The following FZR1 variants were observed in gnomAD, a reference collection of about 807,000 sequenced individuals.
FZR1 encodes fizzy and cell division cycle 20 related 1, also known as fizzy-related protein homolog.
FZR1 carries 11 observed loss-of-function variants against 63.6 expected under a neutral mutation model. That is an observed-to-expected ratio of 0.17 (90% CI 0.11 to 0.29). FZR1 has a LOEUF of 0.29. Among genes scored for constraint, FZR1 ranks in the 10% least tolerant of loss-of-function variants. The pLI, the probability that FZR1 is intolerant of heterozygous loss-of-function variation, is 1.00. For missense variants in FZR1, 440 were observed against 687.5 expected, an observed-to-expected ratio of 0.64 and a Z score of 4.03; for synonymous variants, 328 against 297.9, an observed-to-expected ratio of 1.10 and a Z score of -1.04.
Position 3,533,487 on chromosome 19 carries a change from G to A in FZR1, c.1347+89G>A. ...AGAGCACCCTGTCCTGTGTTCTTAG[G>A]GAGGATGGTGTGCAGATCTAAAACC... is the stretch of plus-strand genomic sequence containing the variant. On this transcript the variant is annotated intron_variant, in intron 12 of 13. Transcript: ENST00000441788. The surrounding 1 kb of genome is among the most constrained non-coding windows in gnomAD (Gnocchi z 4.9). 1 of 792,236 alleles carries A rather than the reference G, an allele frequency of 1.3e-6. No homozygotes were observed. The highest frequency in any genetic ancestry group is 1.4e-5 in the South Asian group (1 of 69,450). 49.1% of individuals were successfully genotyped at this position (792,236 alleles called of 1,614,324 possible).
At position 3,530,773 on chromosome 19, in the gene FZR1, C is replaced by A. The variant is rs1473704422; in HGVS notation, c.655-19C>A. The A allele has an allele frequency of 1.9e-6, 3 of 1,606,482 alleles. No homozygotes were observed. Among genetic ancestry groups the A allele is most frequent in the Middle Eastern group, 1.7e-4 (1 of 6,044 alleles). On this transcript the variant is annotated intron_variant, in intron 7 of 13. Coordinates refer to ENST00000441788, the MANE Select transcript of FZR1 (RefSeq NM_016263.4). ...GCTTCGAGACCAGCGGCAAAGCTCA[C>A]ACTGACCTCTGCCTCCAGGTGACGC...
In FZR1 at chr19:3,525,140, G is replaced by C. The variant is rs961803300; in HGVS notation, c.70-728G>C. On this transcript the variant is annotated intron_variant, in intron 2 of 13. Coordinates refer to ENST00000441788, the MANE Select transcript of FZR1 (RefSeq NM_016263.4). This position sits in a 1 kb window ranked among gnomAD's most constrained non-coding sequence, Gnocchi z 4.2. ...TCTGGGTACAGCTGTTGCGTGTCTT[G>C]TGCCGTCAAGGCCTGCGTCTGTGAT... 3.3e-5 allele frequency among the ~76,000 whole-genome samples: 5 copies of C among 152,188 alleles called. No homozygotes were observed. Among genetic ancestry groups the C allele is most frequent in the Non-Finnish European group, 5.9e-5 (4 of 68,040 alleles).
chr19:3,526,884 G>A lies in FZR1; in HGVS notation c.388-96G>A. On this transcript the variant is annotated intron_variant, in intron 5 of 13. Coordinates refer to ENST00000441788, the MANE Select transcript of FZR1 (RefSeq NM_016263.4). The surrounding 1 kb of genome is among the most constrained non-coding windows in gnomAD (Gnocchi z 5.4). ...ACACAGGGTCTCAGCACCTGCCTTA[G>A]GGCTATGAGCTGTACCGGGAGCGTG... is the stretch of plus-strand genomic sequence containing the variant. The A allele has an allele frequency of 1.2e-6, 1 of 857,532 alleles. No homozygotes were observed. The highest frequency in any genetic ancestry group is 1.9e-6 in the Non-Finnish European group (1 of 517,432). 53.1% of individuals were successfully genotyped at this position (857,532 alleles called of 1,614,324 possible).
In FZR1 at chr19:3,525,914, C is replaced by G; in HGVS notation, c.116C>G (p.Ser39Cys). ...RTLTPASSPV[S>C]SPSKHGDRFI... is the part of the protein sequence containing the mutation. ...CTGACGCCTGCCAGCTCCCCAGTGTCCTCGCCCAGCAAGCACGGAGACCGC... is the reference window on the plus strand; with the variant it reads ...CTGACGCCTGCCAGCTCCCCAGTGTGCTCGCCCAGCAAGCACGGAGACCGC... Residue 39 changes from serine (S) to cysteine (C), a missense_variant, in exon 3 of 14, where the codon TCC (serine) becomes TGC (cysteine). Ser to Cys is a moderately radical substitution (Grantham distance 112). Coordinates refer to ENST00000441788, the MANE Select transcript of FZR1 (RefSeq NM_016263.4). This position sits in a 1 kb window ranked among gnomAD's most constrained non-coding sequence, Gnocchi z 4.2. The G allele has an allele frequency of 6.2e-7, 1 of 1,612,492 alleles. No homozygotes were observed.
At chr19:3,522,645 C>T (rs1454382484) in intron 1 of FZR1, among the ~76,000 whole-genome samples, 1 of 152,212 alleles carries the variant, frequency 6.6e-6, no homozygotes, top group African/African-American at 2.4e-5. Context: ...GGGAAGAGTC[C>T]TTGTCGGGAC....
intron 7 of FZR1, among the ~76,000 whole-genome samples, chr19:3,528,030 C>CGGCCCTCCCAACCCTCCCAGCCAT (rs1174317427): frequency 3.3e-5 from 5 of 151,656 alleles, no homozygotes; most frequent in South Asian, 2.1e-4. Context: ...CTCCCAGCCA[C>CGGCCCTCCCAACCCTCCCAGCCAT]GGCCCTCCCA....
At chr19:3,510,284 G>A (rs962131517) in intron 1 of FZR1, among the ~76,000 whole-genome samples, 1 of 152,052 alleles carries the variant, frequency 6.6e-6, no homozygotes, top group Non-Finnish European at 1.5e-5. Context: ...CTCCAGGCGC[G>A]CCACCATACC....
At chr19:3,506,830 G>A (rs1477197620) in intron 1 of FZR1, among the ~76,000 whole-genome samples, 3 of 152,044 alleles carry the variant, frequency 2.0e-5, no homozygotes, top group Non-Finnish European at 4.4e-5. Flanking sequence ...GGACCCCACT[G>A]CGCACCCCTA....
intron 7 of FZR1, among the ~76,000 whole-genome samples, chr19:3,528,503 A>C (rs2083185863): frequency 6.6e-6 from 1 of 151,274 alleles, no homozygotes; most frequent in South Asian, 2.1e-4. Flanking sequence ...TGCTCGTCCC[A>C]TGCAGGCTCT....
Position 3,515,506 on chromosome 19 carries a change from C to T in FZR1, c.-34-7450C>T, listed in dbSNP as rs1208085411. Among the ~76,000 whole-genome samples the T allele has an allele frequency of 3.3e-5, 5 of 152,110 alleles. No homozygotes were observed. The highest frequency in any genetic ancestry group is 7.2e-5 in the African/African-American group (3 of 41,414). ...AGTACAGGCCGGGCGCGGTGGCTCACGCTTGTAATCCCAGCACTTTGGGAG... is the reference window on the plus strand; with the variant it reads ...AGTACAGGCCGGGCGCGGTGGCTCATGCTTGTAATCCCAGCACTTTGGGAG... On this transcript the variant is annotated intron_variant, in intron 1 of 13. Coordinates refer to ENST00000441788, the MANE Select transcript of FZR1 (RefSeq NM_016263.4). This position sits in a 1 kb window ranked among gnomAD's most constrained non-coding sequence, Gnocchi z 4.6.
At chr19:3,531,685 C>T (rs760785796) in intron 8 of FZR1, 29 bp from the exon 9 acceptor site, 26 of 1,474,130 alleles carry the variant, frequency 1.8e-5, no homozygotes, top group Admixed American at 6.0e-5. Flanking sequence ...GACCTGACAC[C>T]GGTGCTCTGC....
At position 3,532,527 on chromosome 19, in the gene FZR1, G is replaced by A. The variant is rs377303644; in HGVS notation, c.1119G>A (p.Ser373=). ...CACATCAGCACGGGCTGCTGGCCTC[G>A]GGGGGCGGCACAGCTGACCGCTGTA... ...WSPHQHGLLA[S]GGGTADRCIR... The change falls in exon 11 of 14, where the codon TCG becomes TCA. Residue 373 remains serine (S), a synonymous_variant. Coordinates refer to ENST00000441788, the MANE Select transcript of FZR1 (RefSeq NM_016263.4). The A allele has an allele frequency of 5.3e-5, 85 of 1,611,466 alleles. No homozygotes were observed. Among genetic ancestry groups the A allele is most frequent in the South Asian group, 4.1e-4 (37 of 91,028 alleles).
chr19:3,517,734 G>A (rs564611530), intron 1 of FZR1, among the ~76,000 whole-genome samples: 30 of 151,906 alleles, frequency 2.0e-4, no homozygotes, highest in Non-Finnish European at 3.8e-4. Context: ...AAACTCCAGG[G>A]CGCTCCTGTT....
At position 3,532,480 on chromosome 19, in the gene FZR1, G is replaced by A; in HGVS notation, c.1072G>A (p.Val358Met). 1 of 1,602,636 alleles carries A rather than the reference G, an allele frequency of 6.2e-7. No individual in the cohort carries two copies. Among genetic ancestry groups the A allele is most frequent in the Non-Finnish European group, 8.5e-7 (1 of 1,173,016 alleles). Residue 358 changes from valine to methionine, a missense_variant, in exon 11 of 14, where the codon GTG (valine) becomes ATG (methionine). Transcript: ENST00000441788. The part of the protein sequence containing the change: ...VQQYTEHLAA[V>M]KAIAWSPHQH... Reference sequence around the variant, plus strand: ...GCAGTACACGGAGCACCTGGCGGCCGTGAAGGCCATCGCCTGGTCCCCACA... The same window carrying A: ...GCAGTACACGGAGCACCTGGCGGCCATGAAGGCCATCGCCTGGTCCCCACA...
chr19:3,507,992 G>A (rs1043369726), intron 1 of FZR1, among the ~76,000 whole-genome samples: 2 of 152,126 alleles, frequency 1.3e-5, no homozygotes, highest in Admixed American at 1.3e-4. Flanking sequence ...AGGCAAGCCC[G>A]GTGCTTTACT....
chr19:3,533,708 A>G lies in FZR1; in HGVS notation c.1347+310A>G. 2.9e-6 allele frequency: 1 copy of G among 350,802 alleles called. No homozygotes were observed. The highest frequency in any genetic ancestry group is 5.3e-6 in the Non-Finnish European group (1 of 188,972). The allele number at this position is 350,802 out of a possible 1,614,324, so 21.7% of individuals were successfully genotyped here. ...AGCCAAAACCAACTCACAGCTGACC[A>G]CTCAGATGACCCTGTGAACGTCCTA... On this transcript the variant is annotated intron_variant, in intron 12 of 13. Coordinates refer to ENST00000441788, the MANE Select transcript of FZR1 (RefSeq NM_016263.4). The surrounding 1 kb of genome is among the most constrained non-coding windows in gnomAD (Gnocchi z 4.9).
chr19:3,523,906 G>C (rs776767011), intron 2 of FZR1, among the ~76,000 whole-genome samples: 1 of 152,178 alleles, frequency 6.6e-6, no homozygotes, highest in Non-Finnish European at 1.5e-5. Flanking sequence ...TGGGTCCCGG[G>C]ACCTGCGGGA....
intron 2 of FZR1, among the ~76,000 whole-genome samples, chr19:3,524,019 G>A (rs1267406809): frequency 6.6e-6 from 1 of 152,254 alleles, no homozygotes; most frequent in Non-Finnish European, 1.5e-5. Flanking sequence ...GTCCCCATTG[G>A]TAAAGGGACA....
chr19:3,532,267 G>C, intron 10 of FZR1, 150 bp from the exon 11 acceptor site: 1 of 833,270 alleles, frequency 1.2e-6, no homozygotes, highest in Non-Finnish European at 1.8e-6. Context: ...CTGTGGCACA[G>C]GGTGACGAGT....
Sources: allele counts gnomAD v4.1 joint callset (sites outside exome capture counted in the v4.1 genomes callset), GRCh38; gene constraint gnomAD v4.1.1; non-coding constraint Gnocchi (gnomAD v3.1); transcripts MANE v1.5; gene names NCBI Gene and HGNC (gene_info 2026-07-23, HGNC 2026-07-21).